The following MOXD1 variants were observed in gnomAD, a reference collection of about 807,000 sequenced individuals.
MOXD1 encodes the protein monooxygenase DBH like 1, also known as DBH-like monooxygenase protein 1.
MOXD1 carries 62 observed loss-of-function variants against 66.6 expected under a neutral mutation model. That is an observed-to-expected ratio of 0.93 (90% CI 0.76 to 1.15). MOXD1 has a LOEUF of 1.15. Among genes scored for constraint, MOXD1 ranks in the 50% most tolerant of loss-of-function variants. The pLI, the probability that MOXD1 is intolerant of heterozygous loss-of-function variation, is 0.00. For synonymous variants in MOXD1, 303 were observed against 281.9 expected (o/e 1.07, Z -0.75); for missense variants, 847 against 754.6 (o/e 1.12, Z -1.44).
chr6:132,298,207 T>G (rs9493276), intron 10 of MOXD1, among the ~76,000 whole-genome samples: 93,229 of 151,954 alleles, frequency 0.61, 31,368 homozygotes, highest in African/African-American at 0.91. Context: ...TTTTAATAGA[T>G]ATGGGGTCTT....
intron 1 of MOXD1, chr6:132,391,278 T>C (rs1450605851): frequency 7.0e-6 from 1 of 143,010 alleles, no homozygotes; most frequent in African/African-American, 2.4e-5. Context: ...CTAAATTAGA[T>C]GAATAAGATA....
chr6:132,336,738 A>AGAT (rs1355411651), intron 4 of MOXD1, among the ~76,000 whole-genome samples: 2 of 152,172 alleles, frequency 1.3e-5, no homozygotes, highest in Non-Finnish European at 2.9e-5. Context: ...AGTGGGAAAG[A>AGAT]GATGAAGAAA....
At chr6:132,392,086 C>A in intron 1 of MOXD1, 1 of 1,228,136 alleles carries the variant, frequency 8.1e-7, no homozygotes, top group Non-Finnish European at 1.1e-6. Context: ...CTCTCCCTTA[C>A]AGCCTTTCAA....
At chr6:132,373,062 T>C in intron 2 of MOXD1, 65 bp from the exon 3 acceptor site, 1 of 1,432,942 alleles carries the variant, frequency 7.0e-7, no homozygotes, top group Non-Finnish European at 9.4e-7. Context: ...TGAGTTGAGT[T>C]TAAAGAACTC....
intron 10 of MOXD1, among the ~76,000 whole-genome samples, chr6:132,303,735 ATT>A (rs1562276232): frequency 1.5e-4 from 21 of 140,018 alleles, no homozygotes; most frequent in African/African-American, 5.9e-4. Flanking sequence ...ACACACACAC[ATT>A]TATTTATACA....
rs1775060636 is a variant in MOXD1 at position 132,320,697 on chromosome 6, T to C, written c.1306-9A>G. The stretch of plus-strand genomic sequence containing the variant: ...GTAATTAGGTTATCTCCCTGAAACA[T>C]AAAAGCAAAAGCTTTCAGATTGAAG... On this transcript the variant is annotated splice_polypyrimidine_tract_variant and intron_variant, in intron 8 of 11. Transcript: ENST00000367963. 2 of 1,608,850 alleles carry C rather than the reference T, an allele frequency of 1.2e-6. No individual in the cohort carries two copies. The highest frequency in any genetic ancestry group is 2.7e-5 in the African/African-American group (2 of 74,734).
At chr6:132,372,720 C>T (rs756464877) in intron 3 of MOXD1, 29 bp from the exon 4 acceptor site, 51 of 1,609,288 alleles carry the variant, frequency 3.2e-5, no homozygotes, top group Non-Finnish European at 2.6e-5. Flanking sequence ...GAGGAAGACA[C>T]AAAGTCACCT....
intron 4 of MOXD1, among the ~76,000 whole-genome samples, chr6:132,336,803 C>T (rs1775449582): frequency 6.6e-6 from 1 of 152,068 alleles, no homozygotes; most frequent in Non-Finnish European, 1.5e-5. Flanking sequence ...AATAACTCAC[C>T]CCTTACTGTA....
rs1562276396 is a variant in MOXD1, at chr6:132,303,833, GTGTATATATATATATATATATATATATA to G, written c.1509-5906_1509-5879del. ...TGTGTGTGTGTGTGTGTGTGTGTGT[GTGTATATATATATATATATATATATATA>G]TATATATATATATATATACATATAT... On this transcript the variant is annotated intron_variant, in intron 10 of 11. Coordinates refer to ENST00000367963, the MANE Select transcript of MOXD1 (RefSeq NM_015529.4). Among the ~76,000 whole-genome samples the G allele has an allele frequency of 2.2e-3, 133 of 59,986 alleles. 3 individuals are homozygous for G. The highest frequency in any genetic ancestry group is 8.0e-3 in the African/African-American group (123 of 15,426). The allele number at this position is 59,986 out of a possible 152,430, so 39.4% of individuals were successfully genotyped here.
chr6:132,373,719 T>G (rs1776316493), intron 2 of MOXD1, among the ~76,000 whole-genome samples: 1 of 152,222 alleles, frequency 6.6e-6, no homozygotes. Flanking sequence ...GTAAAGAAAT[T>G]GTTCAATCCT....
chr6:132,339,189 A>T (rs1775500159), intron 4 of MOXD1, among the ~76,000 whole-genome samples: 1 of 152,184 alleles, frequency 6.6e-6, no homozygotes, highest in Non-Finnish European at 1.5e-5. Flanking sequence ...TATTTTCTCT[A>T]CAGAGATCTT....
intron 9 of MOXD1, among the ~76,000 whole-genome samples, chr6:132,317,296 G>A (rs1428229907): frequency 6.6e-6 from 1 of 152,136 alleles, no homozygotes; most frequent in Non-Finnish European, 1.5e-5. Context: ...GCAAAAACAT[G>A]ATGTTTTGCA....
chr6:132,377,426 T>C lies in MOXD1; in HGVS notation c.265-2649A>G, dbSNP rs1315490178. ...GTAATCAGTTCAAAGAGTAGAATAA[T>C]TATCCGAGTCTTGCAAATATGTTTC... On this transcript the variant is annotated intron_variant, in intron 1 of 11. Transcript: ENST00000367963. Among the ~76,000 whole-genome samples, 3 of 152,194 alleles carry C rather than the reference T, an allele frequency of 2.0e-5. No individual in the cohort carries two copies. In the South Asian group the frequency reaches 6.2e-4, roughly 32 times the overall value.
chr6:132,307,918 A>C (rs1446398074), intron 10 of MOXD1, among the ~76,000 whole-genome samples: 3 of 152,232 alleles, frequency 2.0e-5, no homozygotes, highest in African/African-American at 7.2e-5. Flanking sequence ...GAAAGCTAGA[A>C]AGATCTCAAA....
At position 132,297,031 on chromosome 6, in the gene MOXD1, G is replaced by A. The variant is rs754594257; in HGVS notation, c.*122C>T. On this transcript the variant is annotated 3_prime_UTR_variant, in exon 12 of 12. Transcript: ENST00000367963. ...TAACATGGAAAGGAAAAAGGAGGGA[G>A]GGAAAATGGGGAAGAAAAGTCTCCA... 1 of 940,908 alleles carries A rather than the reference G, an allele frequency of 1.1e-6. No homozygotes were observed. The highest frequency in any genetic ancestry group is 1.6e-6 in the Non-Finnish European group (1 of 636,094). 58.3% of individuals were successfully genotyped at this position (940,908 alleles called of 1,614,324 possible).
At chr6:132,297,550 C>T (rs1774436715) in intron 11 of MOXD1, among the ~76,000 whole-genome samples, 1 of 152,138 alleles carries the variant, frequency 6.6e-6, no homozygotes, top group African/African-American at 2.4e-5. Flanking sequence ...TTGCAGCACT[C>T]ATTCCGGCCT....
chr6:132,335,498 A>G (rs1291227762), intron 4 of MOXD1, among the ~76,000 whole-genome samples: 1 of 152,162 alleles, frequency 6.6e-6, no homozygotes, highest in African/African-American at 2.4e-5. Flanking sequence ...AGATACATAC[A>G]GAGAGAAGAT....
chr6:132,379,684 T>G (rs1776471205), intron 1 of MOXD1, among the ~76,000 whole-genome samples: 1 of 152,246 alleles, frequency 6.6e-6, no homozygotes, highest in Non-Finnish European at 1.5e-5. Flanking sequence ...TATTCAAAAG[T>G]ATTTTTCACT....
intron 9 of MOXD1, 78 bp downstream of exon 9, chr6:132,320,551 T>G (rs2114567045): frequency 7.9e-7 from 1 of 1,258,722 alleles, no homozygotes; most frequent in Non-Finnish European, 1.1e-6. Context: ...GGAAATGGTT[T>G]TTACCTTTTT....
Sources: allele counts gnomAD v4.1 joint callset (sites outside exome capture counted in the v4.1 genomes callset), GRCh38; gene constraint gnomAD v4.1.1; transcripts MANE v1.5; gene names NCBI Gene and HGNC (gene_info 2026-07-23, HGNC 2026-07-21).